Variants in C4orf17 observed in about 807,000 individuals in gnomAD.
C4orf17 encodes uncharacterized protein C4orf17.
A neutral mutation model predicts 32.0 loss-of-function variants in C4orf17; 25 were observed. The observed-to-expected ratio is 0.78, with a 90% CI of 0.57 to 1.09. C4orf17 has a LOEUF of 1.09. C4orf17 is among the 50% of genes least tolerant of loss of function. The probability of loss-of-function intolerance (pLI) is 0.00; values close to 1 mark genes in which losing one functional copy is unlikely to be tolerated. For synonymous variants in C4orf17, 149 were observed against 145.8 expected, an observed-to-expected ratio of 1.02 and a Z score of -0.16; for missense variants, 420 against 420.0, an observed-to-expected ratio of 1.00 and a Z score of 0.00.
intron 2 of C4orf17, chr4:99,519,399 C>G (rs1020592104): frequency 1.3e-5 from 2 of 152,130 alleles, no homozygotes; most frequent in Admixed American, 6.5e-5. Context: ...AATTACCACA[C>G]CTTATGGTGT....
At chr4:99,525,062 T>C (rs1213115146) in intron 4 of C4orf17, among the ~76,000 whole-genome samples, 1 of 152,246 alleles carries the variant, frequency 6.6e-6, no homozygotes, top group Non-Finnish European at 1.5e-5. Context: ...ATGGTTATCC[T>C]ACAATGTGTT....
chr4:99,525,441 C>G (rs1010575485), intron 4 of C4orf17, among the ~76,000 whole-genome samples: 1 of 152,142 alleles, frequency 6.6e-6, no homozygotes, highest in Non-Finnish European at 1.5e-5. Context: ...CCAATTCTTA[C>G]TTGCCATGTA....
intron 3 of C4orf17, among the ~76,000 whole-genome samples, chr4:99,523,795 GA>G (rs1336837702): frequency 6.6e-6 from 1 of 152,010 alleles, no homozygotes; most frequent in Non-Finnish European, 1.5e-5. Context: ...GACTGAGTAT[GA>G]AATGGGTAGG....
In C4orf17 at chr4:99,516,251, T is replaced by C. The variant is rs573736427; in HGVS notation, c.127+3043T>C. ...CCCTACCCTCATGGAGCTCACATTC[T>C]TGTCAGACAATAAAATCAATTCAGT... On this transcript the variant is annotated intron_variant, in intron 2 of 8. Coordinates refer to ENST00000326581, the MANE Select transcript of C4orf17 (RefSeq NM_032149.3). Among the ~76,000 whole-genome samples the C allele has an allele frequency of 2.6e-5, 4 of 152,336 alleles. No homozygotes were observed. In the East Asian group the frequency reaches 7.7e-4, roughly 29 times the overall value.
At chr4:99,517,972 T>G (rs1723214700) in intron 2 of C4orf17, among the ~76,000 whole-genome samples, 1 of 152,164 alleles carries the variant, frequency 6.6e-6, no homozygotes, top group African/African-American at 2.4e-5. Context: ...ATAAATGGTG[T>G]TGTAAATTTG....
chr4:99,517,035 C>T (rs986923589), intron 2 of C4orf17, among the ~76,000 whole-genome samples: 2 of 152,158 alleles, frequency 1.3e-5, no homozygotes, highest in Admixed American at 6.5e-5. Flanking sequence ...CTCGCTTAAA[C>T]AACCTGCTTT....
At chr4:99,522,028 T>C (rs891401966) in intron 2 of C4orf17, among the ~76,000 whole-genome samples, 2 of 152,172 alleles carry the variant, frequency 1.3e-5, no homozygotes, top group African/African-American at 4.8e-5. Context: ...CTACACCTTT[T>C]TACCTCTGCC....
At chr4:99,525,251 G>GTTTTCTAAGAAATAGCCAAATTA (rs1723367165) in intron 4 of C4orf17, among the ~76,000 whole-genome samples, 2 of 152,234 alleles carry the variant, frequency 1.3e-5, no homozygotes, top group South Asian at 4.1e-4. Context: ...TAGCCAAATT[G>GTTTTCTAAGAAATAGCCAAATTA]TTTTCCAAAA....
rs1723126282 is a variant in C4orf17, at chr4:99,513,223, G to T, written c.127+15G>T. 6.2e-7 allele frequency: 1 copy of T among 1,613,424 alleles called. No individual in the cohort carries two copies. Among genetic ancestry groups the T allele is most frequent in the African/African-American group, 1.3e-5 (1 of 74,874 alleles). On this transcript the variant is annotated intron_variant, in intron 2 of 8. Coordinates refer to ENST00000326581, the MANE Select transcript of C4orf17 (RefSeq NM_032149.3). ...CCACATCAAAGGTAAGGTGACTTAA[G>T]GTCCTAGTATGTGTCTCTATTCTCT...
intron 2 of C4orf17, among the ~76,000 whole-genome samples, chr4:99,517,585 T>A (rs980825975): frequency 7.0e-6 from 1 of 142,980 alleles, no homozygotes; most frequent in African/African-American, 2.6e-5. Flanking sequence ...CTTTAAAAAA[T>A]GTAGATTCTG....
intron 5 of C4orf17, chr4:99,536,212 G>A: frequency 5.0e-6 from 1 of 200,002 alleles, no homozygotes; most frequent in Non-Finnish European, 1.0e-5. Flanking sequence ...TGGGATCAGG[G>A]ACCTACTTAA....
chr4:99,529,782 A>G (rs753311460), intron 4 of C4orf17, 33 bp from the exon 5 acceptor site: 3 of 1,535,164 alleles, frequency 2.0e-6, no homozygotes, highest in Non-Finnish European at 2.6e-6. Flanking sequence ...GTGGATGCAA[A>G]TGTATATTGG....
chr4:99,537,348 T>C (rs1723579024), intron 5 of C4orf17, among the ~76,000 whole-genome samples: 1 of 152,176 alleles, frequency 6.6e-6, no homozygotes. Flanking sequence ...TGTCAGTGTA[T>C]GTTTTATTCA....
At chr4:99,518,585 G>GAGAGAGAGA (rs1560585698) in intron 2 of C4orf17, among the ~76,000 whole-genome samples, 2 of 61,114 alleles carry the variant, frequency 3.3e-5, no homozygotes, top group African/African-American at 7.8e-5. Context: ...AGAGAGAGAG[G>GAGAGAGAGA]GAGGGAGACA....
At chr4:99,518,158 A>G (rs1723218065) in intron 2 of C4orf17, among the ~76,000 whole-genome samples, 1 of 151,966 alleles carries the variant, frequency 6.6e-6, no homozygotes, top group South Asian at 2.1e-4. Context: ...TTTGATGACT[A>G]CTTTGCAATC....
rs766835409 is a variant in C4orf17 at position 99,513,086 on chromosome 4, A to G, written c.5A>G (p.Asn2Ser). The G allele has an allele frequency of 2.5e-6, 4 of 1,613,740 alleles. No homozygotes were observed. The highest frequency in any genetic ancestry group is 2.5e-6 in the Non-Finnish European group (3 of 1,179,780). The change falls in exon 2 of 9, where the codon AAC (asparagine) becomes AGC (serine). Residue 2 changes from asparagine (N) to serine (S), a missense_variant. By Grantham distance (46) the Asn-to-Ser change is conservative. Transcript: ENST00000326581. M[N>S]LNPPTSALQI... is the part of the protein sequence containing the mutation. ...GAAAATAAACACACCACAAACATGAACCTCAACCCCCCGACATCTGCTCTT... is the reference window on the plus strand; with the variant it reads ...GAAAATAAACACACCACAAACATGAGCCTCAACCCCCCGACATCTGCTCTT...
intron 2 of C4orf17, among the ~76,000 whole-genome samples, chr4:99,521,229 C>T (rs985080796): frequency 2.6e-5 from 4 of 152,004 alleles, no homozygotes; most frequent in Non-Finnish European, 4.4e-5. Flanking sequence ...AAAAATTAGA[C>T]GGACATGATG....
intron 4 of C4orf17, among the ~76,000 whole-genome samples, chr4:99,526,927 T>G (rs375225754): frequency 2.0e-5 from 3 of 152,214 alleles, no homozygotes; most frequent in East Asian, 3.9e-4. Flanking sequence ...GTATCTCTAT[T>G]GTTTTGCTTT....
chr4:99,524,156 A>AT (rs1195188350), intron 3 of C4orf17, among the ~76,000 whole-genome samples: 1 of 151,546 alleles, frequency 6.6e-6, no homozygotes. Context: ...ATTTTTTTGT[A>AT]TTTTTTAGTG....
Sources: gnomAD v4.1 joint callset for allele counts (sites outside exome capture counted in the v4.1 genomes callset) on GRCh38, gnomAD v4.1.1 for gene constraint, MANE v1.5 for transcripts, NCBI Gene and HGNC (gene_info 2026-07-23, HGNC 2026-07-21) for gene names.